Variants in USP37 observed in about 807,000 individuals in gnomAD.
USP37 encodes the protein ubiquitin specific peptidase 37.
In USP37, 27 loss-of-function variants were observed where a neutral mutation model predicts 124.0. The observed-to-expected ratio is 0.22, with a 90% CI of 0.16 to 0.30. The LOEUF is 0.30. Ranked by LOEUF, USP37 falls within the 10% of genes least tolerant of loss-of-function variation. The pLI, the probability that USP37 is intolerant of heterozygous loss-of-function variation, is 1.00. For missense variants in USP37, 889 were observed against 1,140.4 expected (o/e 0.78, Z 3.17); for synonymous variants, 365 against 388.0 (o/e 0.94, Z 0.70).
chr2:218,483,527 G>A (rs1020948281), intron 16 of USP37, among the ~76,000 whole-genome samples: 1 of 149,146 alleles, frequency 6.7e-6, no homozygotes, highest in Non-Finnish European at 1.5e-5. Context: ...ATTAGGATTT[G>A]ACAAACAGAA....
rs1307291146 is a variant in USP37 at position 218,473,619 on chromosome 2, G to A, written c.2299+1011C>T. Among the ~76,000 whole-genome samples, 8 of 152,072 alleles carry A rather than the reference G, an allele frequency of 5.3e-5. 1 individual carries two copies. The highest frequency in any genetic ancestry group is 5.2e-4 in the Admixed American group (8 of 15,268). ...TCTAGATCTTGGGGCTATCAAGAGAGAAAAATTTGAACTGGTCATAGGAAA... is the reference window on the plus strand; with the variant it reads ...TCTAGATCTTGGGGCTATCAAGAGAAAAAAATTTGAACTGGTCATAGGAAA... On this transcript the variant is annotated intron_variant, in intron 20 of 25. Transcript: ENST00000258399.
At chr2:218,553,788 T>A (rs1692794781) in intron 4 of USP37, 64 bp from the exon 5 acceptor site, 2 of 1,421,086 alleles carry the variant, frequency 1.4e-6, no homozygotes, top group South Asian at 2.9e-5. Flanking sequence ...ACAATCTGTA[T>A]AATAAATACT....
chr2:218,510,214 A>T, intron 10 of USP37, 74 bp from the exon 11 acceptor site: 1 of 1,485,574 alleles, frequency 6.7e-7, no homozygotes, highest in Non-Finnish European at 9.1e-7. Flanking sequence ...ATAGATTAAG[A>T]GAAGTCAATG....
At chr2:218,491,088 G>T (rs1408498300) in intron 14 of USP37, among the ~76,000 whole-genome samples, 2 of 152,120 alleles carry the variant, frequency 1.3e-5, no homozygotes, top group Non-Finnish European at 2.9e-5. Context: ...TGTCAGGGCT[G>T]GTCTCAAACA....
chr2:218,457,265 G>A lies in USP37; in HGVS notation c.2644-104C>T, dbSNP rs567639938. 1.2e-5 allele frequency: 13 copies of A among 1,111,966 alleles called. No individual in the cohort carries two copies. In the East Asian group the frequency reaches 3.4e-4, roughly 29 times the overall value. The allele number at this position is 1,111,966 out of a possible 1,614,324, so 68.9% of individuals were successfully genotyped here. On this transcript the variant is annotated intron_variant, in intron 23 of 25. Coordinates refer to ENST00000258399, the MANE Select transcript of USP37 (RefSeq NM_020935.3). The stretch of plus-strand genomic sequence containing the variant: ...AGCTGACATGGCTAAGCTTTGGTAT[G>A]TGGCATAGTAAGAATCAATTAAAAA...
chr2:218,494,779 CAGGCTAT>C (rs1250343075), intron 14 of USP37, among the ~76,000 whole-genome samples: 1 of 152,086 alleles, frequency 6.6e-6, no homozygotes, highest in Admixed American at 6.6e-5. Flanking sequence ...AAGTGATGTG[CAGGCTAT>C]AGAAGTCCTG....
rs770380341 is a variant in USP37, at chr2:218,476,813, C to T, written c.2043+27G>A. The T allele has an allele frequency of 2.6e-5, 41 of 1,583,754 alleles. No homozygotes were observed. The Admixed American group carries it at 7.2e-4, about 28-fold the overall frequency. On this transcript the variant is annotated intron_variant, in intron 19 of 25. Transcript: ENST00000258399. Reference sequence around the variant, plus strand: ...CAGTAAGAGATAAACAAATCTTTGTCAGATGTTTTAAGAAAATATTACTTA... The same window carrying T: ...CAGTAAGAGATAAACAAATCTTTGTTAGATGTTTTAAGAAAATATTACTTA...
At chr2:218,524,317 C>A (rs2106017905) in intron 10 of USP37, among the ~76,000 whole-genome samples, 1 of 152,276 alleles carries the variant, frequency 6.6e-6, no homozygotes, top group South Asian at 2.1e-4. Context: ...CAAGACTAGT[C>A]TTGAACTCCT....
intron 10 of USP37, among the ~76,000 whole-genome samples, chr2:218,524,710 A>C (rs1405693588): frequency 6.6e-6 from 1 of 152,174 alleles, no homozygotes; most frequent in Admixed American, 6.5e-5. Flanking sequence ...CCTGGGTTCA[A>C]GTGATTCTCC....
At chr2:218,521,229 C>T (rs190839980) in intron 10 of USP37, among the ~76,000 whole-genome samples, 4 of 152,194 alleles carry the variant, frequency 2.6e-5, no homozygotes, top group African/African-American at 9.6e-5. Context: ...ATAAATTATC[C>T]GGTTTCATGT....
chr2:218,487,225 A>G (rs1448473187), intron 15 of USP37, among the ~76,000 whole-genome samples: 1 of 152,172 alleles, frequency 6.6e-6, no homozygotes, highest in African/African-American at 2.4e-5. Flanking sequence ...ACAAATATGT[A>G]TCTACAGCTT....
In USP37 at chr2:218,495,757, T is replaced by C. The variant is rs1394057097; in HGVS notation, c.1472+3A>G. 3 of 1,606,678 alleles carry C rather than the reference T, an allele frequency of 1.9e-6. No homozygotes were observed. Among genetic ancestry groups the C allele is most frequent in the Non-Finnish European group, 2.5e-6 (3 of 1,178,162 alleles). ...GGGAAATCATTTCTTAGACACTACTTACGCTTTACAAATGATGGAGTGCTG... is the reference window on the plus strand; with the variant it reads ...GGGAAATCATTTCTTAGACACTACTCACGCTTTACAAATGATGGAGTGCTG... On this transcript the variant is annotated splice_donor_region_variant and intron_variant, in intron 14 of 25. Transcript: ENST00000258399.
At chr2:218,546,833 A>G in intron 7 of USP37, 86 bp downstream of exon 7, 1 of 1,438,304 alleles carries the variant, frequency 7.0e-7, no homozygotes, top group South Asian at 1.2e-5. Flanking sequence ...TCTATACTTT[A>G]TTTCTCCTCA....
At chr2:218,462,609 C>G (rs1457985906) in intron 22 of USP37, among the ~76,000 whole-genome samples, 3 of 152,098 alleles carry the variant, frequency 2.0e-5, no homozygotes, top group African/African-American at 7.2e-5. Flanking sequence ...CACGGGGAAA[C>G]TGAAGCCACA....
rs1693372925 is a variant in USP37, at chr2:218,562,761, G to A, written c.-177C>T. On this transcript the variant is annotated 5_prime_UTR_variant, in exon 2 of 26. Coordinates refer to ENST00000258399, the MANE Select transcript of USP37 (RefSeq NM_020935.3). ...GCCAAAGGCAAAGCACTCTTCTTGG[G>A]ACACTACTCATATTCTGCAGCTATG... 2 of 398,506 alleles carry A rather than the reference G, an allele frequency of 5.0e-6. No individual in the cohort carries two copies. Among genetic ancestry groups the A allele is most frequent in the Admixed American group, 8.8e-5 (2 of 22,712 alleles). 24.7% of individuals were successfully genotyped at this position (398,506 alleles called of 1,614,324 possible). A position where few individuals can be genotyped will look rare whatever the true frequency, so the allele number is the denominator to read the frequency against.
chr2:218,557,657 G>A (rs13000167), intron 4 of USP37, among the ~76,000 whole-genome samples: 812 of 30,578 alleles, frequency 0.027, no homozygotes, highest in East Asian at 0.2. Context: ...GGCTGGGCGC[G>A]GTGGCTCACG....
chr2:218,521,487 C>T (rs1690617578), intron 10 of USP37, among the ~76,000 whole-genome samples: 1 of 152,116 alleles, frequency 6.6e-6, no homozygotes, highest in African/African-American at 2.4e-5. Context: ...CCTCCCCTCC[C>T]CTTGCCCTCC....
intron 20 of USP37, among the ~76,000 whole-genome samples, chr2:218,467,181 T>G: frequency 8.9e-6 from 1 of 112,754 alleles, no homozygotes; most frequent in South Asian, 3.1e-4. Flanking sequence ...TCCCCCCTCC[T>G]CCCTTCCCCC....
chr2:218,510,270 A>T, intron 10 of USP37, 130 bp from the exon 11 acceptor site: 2 of 968,132 alleles, frequency 2.1e-6, no homozygotes, highest in East Asian at 2.7e-5. Context: ...AGTAATAATG[A>T]TCACTTAAGG....
Sources: allele counts gnomAD v4.1 joint callset (sites outside exome capture counted in the v4.1 genomes callset), GRCh38; gene constraint gnomAD v4.1.1; transcripts MANE v1.5; gene names NCBI Gene and HGNC (gene_info 2026-07-23, HGNC 2026-07-21).